Variants in TCF12 observed in about 807,000 individuals in gnomAD.
TCF12 encodes the protein transcription factor 12.
TCF12 carries 45 observed loss-of-function variants against 86.0 expected under a neutral mutation model. That is an observed-to-expected ratio of 0.52 (90% CI 0.41 to 0.67). The LOEUF (loss-of-function observed/expected upper bound fraction) is 0.67. Ranked by LOEUF, TCF12 falls within the 30% of genes least tolerant of loss-of-function variation. The probability of loss-of-function intolerance (pLI) is 0.00; values close to 1 mark genes in which losing one functional copy is unlikely to be tolerated. For synonymous variants in TCF12, 330 were observed against 299.6 expected (o/e 1.10, Z -1.05); for missense variants, 881 against 859.9 (o/e 1.02, Z -0.31).
intron 5 of TCF12, among the ~76,000 whole-genome samples, chr15:57,109,887 G>C (rs368406003): frequency 6.6e-6 from 1 of 152,136 alleles, no homozygotes; most frequent in African/African-American, 2.4e-5. Flanking sequence ...TATCTAGAAA[G>C]CGTTAATTTG....
At chr15:57,104,651 G>C (rs1267898865) in intron 5 of TCF12, among the ~76,000 whole-genome samples, 2 of 151,500 alleles carry the variant, frequency 1.3e-5, no homozygotes, top group Admixed American at 6.6e-5. Context: ...GGCCAGGCTG[G>C]TCTCAGACTC....
chr15:57,137,461 A>G (rs1225372502), intron 5 of TCF12, among the ~76,000 whole-genome samples: 2 of 152,214 alleles, frequency 1.3e-5, no homozygotes, highest in African/African-American at 2.4e-5. Flanking sequence ...TGGTATTCAA[A>G]CAAAATATTT....
chr15:57,239,941 G>C (rs1377293846), intron 12 of TCF12, among the ~76,000 whole-genome samples: 1 of 152,132 alleles, frequency 6.6e-6, no homozygotes, highest in African/African-American at 2.4e-5. Context: ...ACCAATTTAG[G>C]AGTCATACCT....
At chr15:57,239,339 G>A (rs1177592424) in intron 12 of TCF12, among the ~76,000 whole-genome samples, 2 of 151,610 alleles carry the variant, frequency 1.3e-5, no homozygotes, top group African/African-American at 2.4e-5. Context: ...CAACAAGAGC[G>A]AAAGTCCATC....
intron 3 of TCF12, among the ~76,000 whole-genome samples, chr15:57,058,800 ATTTCAC>A (rs1188151839): frequency 3.9e-5 from 6 of 152,134 alleles, no homozygotes; most frequent in African/African-American, 1.4e-4. Flanking sequence ...AACTGATCCT[ATTTCAC>A]AATGAATGTC....
chr15:56,921,042 T>C lies in TCF12; in HGVS notation c.92T>C (p.Val31Ala), dbSNP rs150851735. Reference protein sequence around the residue: ...LDFSAMFSPPVNSGKTRPTTL... With the variant: ...LDFSAMFSPPANSGKTRPTTL... ...ATTTTGCAGATGTTTTCCCCACCTGTTAATAGTGGGAAAACTAGACCAACT... is the reference window on the plus strand; with the variant it reads ...ATTTTGCAGATGTTTTCCCCACCTGCTAATAGTGGGAAAACTAGACCAACT... Residue 31 changes from valine to alanine, a missense_variant, in exon 3 of 21, where the codon GTT (valine) becomes GCT (alanine). Physicochemically the swap from Val to Ala is moderately conservative, Grantham distance 64. This residue lies in a region of TCF12 where 766 missense variants were observed against 718.9 expected (regional missense o/e 1.07). Coordinates refer to ENST00000333725, the MANE Select transcript of TCF12 (RefSeq NM_207037.2). 4 of 1,602,940 alleles carry C rather than the reference T, an allele frequency of 2.5e-6. No individual in the cohort carries two copies. The highest frequency in any genetic ancestry group is 3.4e-6 in the Non-Finnish European group (4 of 1,173,862).
At chr15:57,123,563 G>C (rs2051391427) in intron 5 of TCF12, among the ~76,000 whole-genome samples, 1 of 151,094 alleles carries the variant, frequency 6.6e-6, no homozygotes, top group African/African-American at 2.4e-5. Flanking sequence ...GTCCAGGCTG[G>C]AACATAGTGG....
intron 6 of TCF12, among the ~76,000 whole-genome samples, chr15:57,174,870 C>G (rs138690131): frequency 1.1e-4 from 16 of 152,310 alleles, no homozygotes; most frequent in African/African-American, 3.8e-4. Flanking sequence ...GGAAGGCTTA[C>G]TGTCACTTAG....
At position 57,072,795 on chromosome 15, in the gene TCF12, A is replaced by G. The variant is rs552020253; in HGVS notation, c.222+8972A>G. The G allele has an allele frequency of 1.4e-5, 14 of 967,398 alleles. No individual in the cohort carries two copies. The South Asian group carries it at 2.2e-4, about 16-fold the overall frequency. The allele number at this position is 967,398 out of a possible 1,614,324, so 59.9% of individuals were successfully genotyped here. ...TAACTGCTCCTTCTGAATGTTCTGA[A>G]TGTGAAGAAAACTATGAGTAAGAAA... On this transcript the variant is annotated intron_variant, in intron 4 of 20. Coordinates refer to ENST00000333725, the MANE Select transcript of TCF12 (RefSeq NM_207037.2).
At chr15:57,038,538 T>C (rs376690380) in intron 3 of TCF12, among the ~76,000 whole-genome samples, 3 of 152,296 alleles carry the variant, frequency 2.0e-5, no homozygotes, top group African/African-American at 7.2e-5. Context: ...ATTGAGTCTT[T>C]GGCTTCAGAG....
chr15:57,051,145 GTTGA>G lies in TCF12; in HGVS notation c.149-12602_149-12599del, dbSNP rs373937306. 3.4e-3 allele frequency among the ~76,000 whole-genome samples: 520 copies of G among 152,252 alleles called. 5 individuals carry two copies. Among genetic ancestry groups the G allele is most frequent in the South Asian group, 0.03 (145 of 4,814 alleles). On this transcript the variant is annotated intron_variant, in intron 3 of 20. Transcript: ENST00000333725. ...GCTCTGGTAGGTAGTTAAATTATTG[GTTGA>G]TTATCTTGAGGCATGGTTTTATGCT... is the stretch of plus-strand genomic sequence containing the variant.
chr15:57,037,642 T>C (rs1173593737), intron 3 of TCF12, among the ~76,000 whole-genome samples: 1 of 152,222 alleles, frequency 6.6e-6, no homozygotes, highest in Non-Finnish European at 1.5e-5. Flanking sequence ...TGAGCATATG[T>C]TCCGTTTCTT....
At chr15:57,140,266 T>C (rs1407519310) in intron 5 of TCF12, among the ~76,000 whole-genome samples, 1 of 152,190 alleles carries the variant, frequency 6.6e-6, no homozygotes, top group Non-Finnish European at 1.5e-5. Context: ...CATGGATGGA[T>C]CTTGATAATG....
intron 3 of TCF12, among the ~76,000 whole-genome samples, chr15:56,998,402 A>T (rs754140463): frequency 6.7e-6 from 1 of 148,894 alleles, no homozygotes; most frequent in Non-Finnish European, 1.5e-5. Context: ...GACTGCAGTG[A>T]GCCAAGATTG....
intron 5 of TCF12, among the ~76,000 whole-genome samples, chr15:57,164,175 A>G (rs894668973): frequency 1.3e-5 from 2 of 152,142 alleles, no homozygotes; most frequent in African/African-American, 2.4e-5. Context: ...TGAGTACCCT[A>G]CTGTTAATTG....
chr15:57,291,027 T>C (rs1217285108), downstream of TCF12: 1 of 152,222 alleles, frequency 6.6e-6, no homozygotes, highest in East Asian at 1.9e-4. Context: ...ACACGTATTG[T>C]CTGGAAGAAT....
At chr15:57,273,606 C>A (rs1157508781) in intron 19 of TCF12, among the ~76,000 whole-genome samples, 1 of 152,084 alleles carries the variant, frequency 6.6e-6, no homozygotes, top group African/African-American at 2.4e-5. Context: ...GCCCTCCTCC[C>A]TGCTCTTTAT....
At chr15:57,092,825 A>G (rs1444120896) in intron 5 of TCF12, among the ~76,000 whole-genome samples, 2 of 152,206 alleles carry the variant, frequency 1.3e-5, no homozygotes, top group African/African-American at 4.8e-5. Context: ...TTTCTTAAGG[A>G]CATGACCTAT....
intron 4 of TCF12, among the ~76,000 whole-genome samples, chr15:57,080,424 C>T (rs949345387): frequency 7.2e-5 from 11 of 152,128 alleles, no homozygotes; most frequent in African/African-American, 2.7e-4. Context: ...TCACATGGCA[C>T]CTGTGTCCTT....
Sources: gnomAD v4.1 joint callset for allele counts (sites outside exome capture counted in the v4.1 genomes callset) on GRCh38, gnomAD v4.1.1 for gene constraint, gnomAD v4.1.1 regional missense constraint, MANE v1.5 for transcripts, NCBI Gene and HGNC (gene_info 2026-07-23, HGNC 2026-07-21) for gene names.